The following GLRB variants were observed in gnomAD, a reference collection of about 807,000 sequenced individuals.
GLRB encodes the protein glycine receptor subunit beta.
GLRB carries 33 observed loss-of-function variants against 54.2 expected under a neutral mutation model. The observed-to-expected ratio is 0.61, with a 90% confidence interval of 0.46 to 0.81. The LOEUF (loss-of-function observed/expected upper bound fraction) is 0.81. Ranked by LOEUF, GLRB falls within the 40% of genes least tolerant of loss-of-function variation. The probability of loss-of-function intolerance (pLI) is 0.00; values close to 1 mark genes in which losing one functional copy is unlikely to be tolerated. For synonymous variants in GLRB, 209 were observed against 208.2 expected (o/e 1.00, Z -0.03); for missense variants, 572 against 584.6 (o/e 0.98, Z 0.22).
intron 9 of GLRB, among the ~76,000 whole-genome samples, chr4:157,163,523 T>TTGGGG (rs971033670): frequency 8.5e-5 from 13 of 152,088 alleles, no homozygotes; most frequent in African/African-American, 3.1e-4. Context: ...GGCATGTCCG[T>TTGGGG]TGGGGTGGGG....
At chr4:157,100,305 G>A (rs1386791651) in intron 2 of GLRB, among the ~76,000 whole-genome samples, 1 of 152,124 alleles carries the variant, frequency 6.6e-6, no homozygotes, top group Non-Finnish European at 1.5e-5. Flanking sequence ...ATGGGATAGT[G>A]TTAAGACTCA....
chr4:157,168,919 T>G (rs1460170956), intron 9 of GLRB, among the ~76,000 whole-genome samples: 2 of 152,104 alleles, frequency 1.3e-5, no homozygotes, highest in Non-Finnish European at 2.9e-5. Context: ...TTAACTTGCT[T>G]TGTCAGTCAC....
chr4:157,164,370 C>T (rs899126453), intron 9 of GLRB, among the ~76,000 whole-genome samples: 2 of 152,148 alleles, frequency 1.3e-5, no homozygotes, highest in Non-Finnish European at 2.9e-5. Flanking sequence ...GAAGTGTTCT[C>T]TACCTGATTT....
intron 1 of GLRB, among the ~76,000 whole-genome samples, chr4:157,076,975 G>GGC (rs938275558): frequency 1.5e-5 from 1 of 64,580 alleles, no homozygotes; most frequent in African/African-American, 8.1e-5. Flanking sequence ...AGAATCCTGG[G>GGC]GGGGGGGGGG....
At chr4:157,095,286 C>T (rs1397108079) in intron 2 of GLRB, among the ~76,000 whole-genome samples, 1 of 147,840 alleles carries the variant, frequency 6.8e-6, no homozygotes, top group East Asian at 2.0e-4. Context: ...AAGAGTGATT[C>T]CCACGTTTTG....
intron 9 of GLRB, among the ~76,000 whole-genome samples, chr4:157,159,853 G>A (rs1329077777): frequency 1.3e-5 from 2 of 152,158 alleles, no homozygotes; most frequent in African/African-American, 4.8e-5. Context: ...CTCATTAAAT[G>A]AATTAGGGAG....
intron 2 of GLRB, among the ~76,000 whole-genome samples, chr4:157,114,494 C>T (rs1228141381): frequency 1.3e-5 from 2 of 151,618 alleles, no homozygotes; most frequent in South Asian, 2.1e-4. Flanking sequence ...TTATTTTTTA[C>T]AATTAAAGAG....
At chr4:157,111,735 C>G (rs1448809559) in intron 2 of GLRB, among the ~76,000 whole-genome samples, 1 of 151,946 alleles carries the variant, frequency 6.6e-6, no homozygotes, top group Non-Finnish European at 1.5e-5. Flanking sequence ...CTTAGGGAAA[C>G]AGACTTTTCA....
intron 2 of GLRB, among the ~76,000 whole-genome samples, chr4:157,083,731 T>C (rs1403422529): frequency 6.6e-6 from 1 of 152,164 alleles, no homozygotes; most frequent in Non-Finnish European, 1.5e-5. Context: ...CTTAGAAAGC[T>C]CTAGTACATA....
chr4:157,162,200 C>G (rs1396758107), intron 9 of GLRB, among the ~76,000 whole-genome samples: 1 of 152,182 alleles, frequency 6.6e-6, no homozygotes, highest in East Asian at 1.9e-4. Context: ...TTAAGGATTT[C>G]TCTACACTGT....
intron 8 of GLRB, among the ~76,000 whole-genome samples, chr4:157,147,661 G>C (rs541419184): frequency 2.0e-5 from 3 of 152,292 alleles, no homozygotes; most frequent in African/African-American, 4.8e-5. Context: ...AAAACTGAGA[G>C]ATGGAAAAAG....
At chr4:157,081,652 G>A (rs569551975) in intron 2 of GLRB, among the ~76,000 whole-genome samples, 42 of 152,208 alleles carry the variant, frequency 2.8e-4, no homozygotes, top group South Asian at 1.7e-3. Flanking sequence ...ACTGGAATAC[G>A]TCTTACGTTT....
At chr4:157,082,594 A>G (rs943132473) in intron 2 of GLRB, among the ~76,000 whole-genome samples, 5 of 152,170 alleles carry the variant, frequency 3.3e-5, no homozygotes, top group Non-Finnish European at 7.4e-5. Context: ...TATGGTCTCA[A>G]TATAAGGATA....
chr4:157,152,669 A>T, intron 8 of GLRB, 49 bp from the exon 9 acceptor site: 1 of 1,429,948 alleles, frequency 7.0e-7, no homozygotes. Context: ...ACCCCAGAAC[A>T]TCTCATAGGG....
chr4:157,149,476 A>C (rs1579241214), intron 8 of GLRB, among the ~76,000 whole-genome samples: 1 of 152,084 alleles, frequency 6.6e-6, no homozygotes, highest in South Asian at 2.1e-4. Context: ...AAAATACTTT[A>C]GTTTCTGCTA....
intron 2 of GLRB, among the ~76,000 whole-genome samples, chr4:157,093,575 T>C (rs1734694716): frequency 6.6e-6 from 1 of 151,964 alleles, no homozygotes; most frequent in Non-Finnish European, 1.5e-5. Flanking sequence ...GCCAACATGC[T>C]GAAACCCTGT....
intron 9 of GLRB, among the ~76,000 whole-genome samples, chr4:157,161,210 G>A (rs908579051): frequency 4.6e-5 from 7 of 151,928 alleles, no homozygotes; most frequent in Non-Finnish European, 7.4e-5. Flanking sequence ...CCTTTATTTT[G>A]AGCCTATGTG....
At position 157,136,575 on chromosome 4, in the gene GLRB, A is replaced by G. The variant is rs141265285; in HGVS notation, c.404A>G (p.Tyr135Cys). ...SDALTVDPTMYKCLWKPDLFF... is the reference protein window; with the variant it reads ...SDALTVDPTMCKCLWKPDLFF... ...GCACTGACAGTGGATCCAACAATGT[A>G]CAAGTGTTTATGGAAACCTGATTTA... Residue 135 changes from tyrosine to cysteine, a missense_variant, in exon 5 of 10, where the codon TAC (tyrosine) becomes TGC (cysteine). Coordinates refer to ENST00000264428, the MANE Select transcript of GLRB (RefSeq NM_000824.5). 5 of 1,611,614 alleles carry G rather than the reference A, an allele frequency of 3.1e-6. No homozygotes were observed. The African/African-American group carries it at 4.0e-5, about 13-fold the overall frequency.
intron 2 of GLRB, among the ~76,000 whole-genome samples, chr4:157,102,597 C>T (rs1182541293): frequency 6.6e-6 from 1 of 151,912 alleles, no homozygotes; most frequent in African/African-American, 2.4e-5. Flanking sequence ...GAAAGGAGAC[C>T]TTTATTTTAA....
Sources: allele counts gnomAD v4.1 joint callset (sites outside exome capture counted in the v4.1 genomes callset), GRCh38; gene constraint gnomAD v4.1.1; transcripts MANE v1.5; gene names NCBI Gene and HGNC (gene_info 2026-07-23, HGNC 2026-07-21).